Variants in GFRAL observed in about 807,000 individuals in gnomAD.
The protein encoded by GFRAL is GDNF family receptor alpha-like.
Under a neutral mutation model 45.4 loss-of-function variants are expected in GFRAL, and 36 were observed. The observed-to-expected ratio is 0.79, with a 90% CI of 0.61 to 1.05. The LOEUF (loss-of-function observed/expected upper bound fraction) is 1.05. Among genes scored for constraint, GFRAL ranks in the 50% least tolerant of loss-of-function variants. The pLI is 0.00. For missense variants in GFRAL, 507 were observed against 467.5 expected (o/e 1.08, Z -0.78); for synonymous variants, 166 against 154.1 (o/e 1.08, Z -0.57).
At chr6:55,381,542 AT>A (rs1768607849) in intron 6 of GFRAL, among the ~76,000 whole-genome samples, 1 of 151,892 alleles carries the variant, frequency 6.6e-6, no homozygotes, top group Non-Finnish European at 1.5e-5. Context: ...ATTAGCGAGC[AT>A]TTTTATAGAA....
At chr6:55,346,459 G>A (rs369968042) in intron 3 of GFRAL, among the ~76,000 whole-genome samples, 21 of 151,944 alleles carry the variant, frequency 1.4e-4, no homozygotes, top group Admixed American at 3.3e-4. Flanking sequence ...ACCAAACACC[G>A]CATATTGTCA....
chr6:55,368,905 G>C (rs924353479), intron 6 of GFRAL, among the ~76,000 whole-genome samples: 2 of 152,134 alleles, frequency 1.3e-5, no homozygotes, highest in Non-Finnish European at 2.9e-5. Context: ...GTTTGTCTGT[G>C]CCCTGACCCC....
chr6:55,337,520 A>G (rs1767908273), intron 3 of GFRAL, among the ~76,000 whole-genome samples: 1 of 152,230 alleles, frequency 6.6e-6, no homozygotes, highest in African/African-American at 2.4e-5. Context: ...ATTAACCAGT[A>G]AAGATATCTG....
At chr6:55,334,668 A>G (rs1051184765) in intron 3 of GFRAL, among the ~76,000 whole-genome samples, 1 of 120,844 alleles carries the variant, frequency 8.3e-6, no homozygotes, top group African/African-American at 3.1e-5. Flanking sequence ...TTTACCTCTC[A>G]TCTACACGGA....
intron 2 of GFRAL, 129 bp downstream of exon 2, chr6:55,331,978 C>T (rs891771255): frequency 1.0e-5 from 8 of 785,558 alleles, no homozygotes; most frequent in African/African-American, 3.6e-5. Flanking sequence ...TGACCCCCAT[C>T]GATTCACTTT....
intron 5 of GFRAL, among the ~76,000 whole-genome samples, chr6:55,355,781 G>A (rs1360681616): frequency 1.3e-5 from 2 of 151,826 alleles, no homozygotes; most frequent in Non-Finnish European, 2.9e-5. Context: ...ATGAAAGTAG[G>A]CATCCTTGTC....
chr6:55,372,791 T>C (rs1334780221), intron 6 of GFRAL, among the ~76,000 whole-genome samples: 2 of 152,152 alleles, frequency 1.3e-5, no homozygotes. Context: ...AATCAACAAA[T>C]AAGTCTCTGC....
intron 6 of GFRAL, among the ~76,000 whole-genome samples, chr6:55,367,484 A>C (rs1219260918): frequency 6.8e-6 from 1 of 146,160 alleles, no homozygotes; most frequent in Non-Finnish European, 1.5e-5. Context: ...TCCTGTCATT[A>C]TGATGTTAGC....
chr6:55,377,158 T>C (rs1187949315), intron 6 of GFRAL, among the ~76,000 whole-genome samples: 1 of 152,026 alleles, frequency 6.6e-6, no homozygotes, highest in Non-Finnish European at 1.5e-5. Context: ...CCAAATAATT[T>C]GCCAATTCAC....
chr6:55,362,824 C>A (rs183148705), intron 6 of GFRAL, among the ~76,000 whole-genome samples: 12 of 151,518 alleles, frequency 7.9e-5, no homozygotes, highest in Non-Finnish European at 1.6e-4. Flanking sequence ...TATTCAGATC[C>A]TCCATGTGGA....
In GFRAL at chr6:55,401,830, A is replaced by G. The variant is rs746584674; in HGVS notation, c.1162A>G (p.Ile388Val). Residue 388 changes from isoleucine (I) to valine (V), a missense_variant, in exon 9 of 9, where the codon ATC (isoleucine) becomes GTC (valine). Ile to Val is a conservative substitution (Grantham distance 29). Transcript: ENST00000340465. Reference sequence around the variant, plus strand: ...AAGTAAAGCAAGAGATCCTTCATCGATCCAAATACCTGGAGAACTCTGATT... The same window carrying G: ...AAGTAAAGCAAGAGATCCTTCATCGGTCCAAATACCTGGAGAACTCTGATT... ...ISSKARDPSS[I>V]QIPGEL 3 of 1,540,922 alleles carry G rather than the reference A, an allele frequency of 1.9e-6. No homozygotes were observed. In the South Asian group the frequency reaches 3.3e-5, roughly 17 times the overall value.
intron 6 of GFRAL, among the ~76,000 whole-genome samples, chr6:55,397,362 C>T (rs1007935382): frequency 6.8e-6 from 1 of 146,740 alleles, no homozygotes; most frequent in African/African-American, 2.6e-5. Flanking sequence ...ACTAAAAATA[C>T]AAAAAATTAG....
rs753873571 is a variant in GFRAL, at chr6:55,399,260, C to A, written c.1033C>A (p.His345Asn). 1.3e-6 allele frequency: 2 copies of A among 1,597,076 alleles called. No homozygotes were observed. The highest frequency in any genetic ancestry group is 1.7e-4 in the Middle Eastern group (1 of 5,820). ...AAACAAAATCACTTTAACTGGATTT[C>A]ATTCCCCCTTCAATGGTCAGTTAAA... ...HANKITLTGF[H>N]SPFNGEVIYA... The change falls in exon 7 of 9, where the codon CAT (histidine) becomes AAT (asparagine). Residue 345 changes from histidine (H) to asparagine (N), a missense_variant. By Grantham distance (68) the His-to-Asn change is moderately conservative. Transcript: ENST00000340465.
intron 4 of GFRAL, 88 bp from the exon 5 acceptor site, chr6:55,351,165 C>A: frequency 1.1e-6 from 1 of 905,488 alleles, no homozygotes; most frequent in Non-Finnish European, 1.7e-6. Context: ...TTGTATTTTG[C>A]TCATAGACTT....
At chr6:55,401,745 T>C (rs1302462397) in intron 8 of GFRAL, 45 bp from the exon 9 acceptor site, 1 of 1,111,938 alleles carries the variant, frequency 9.0e-7, no homozygotes, top group South Asian at 1.2e-5. Context: ...ATTTGTGAAA[T>C]CCTTAAAATG....
intron 6 of GFRAL, among the ~76,000 whole-genome samples, chr6:55,360,141 T>C (rs72972857): frequency 0.11 from 17,113 of 152,036 alleles, 1,056 homozygotes; most frequent in African/African-American, 0.16. Context: ...AGGACTTTCA[T>C]GAGTCTTAAG....
At chr6:55,376,954 A>G (rs979030186) in intron 6 of GFRAL, among the ~76,000 whole-genome samples, 35 of 151,750 alleles carry the variant, frequency 2.3e-4, no homozygotes, top group African/African-American at 8.2e-4. Context: ...GGCTTTTTCA[A>G]TGTTAGGGGA....
At chr6:55,331,686 C>T (rs377654074) in intron 1 of GFRAL, 29 bp from the exon 2 acceptor site, 93 of 1,584,434 alleles carry the variant, frequency 5.9e-5, no homozygotes, top group Non-Finnish European at 7.7e-5. Flanking sequence ...ATTTATATTA[C>T]AACCTTGTTT....
intron 6 of GFRAL, among the ~76,000 whole-genome samples, chr6:55,390,934 A>ACACACACACAC (rs70986712): frequency 8.9e-6 from 1 of 112,746 alleles, no homozygotes; most frequent in African/African-American, 4.5e-5. Context: ...ACACACACAC[A>ACACACACACAC]AGTAGTGGTC....
Sources: allele counts gnomAD v4.1 joint callset (sites outside exome capture counted in the v4.1 genomes callset), GRCh38; gene constraint gnomAD v4.1.1; transcripts MANE v1.5; gene names NCBI Gene and HGNC (gene_info 2026-07-23, HGNC 2026-07-21).